The following TWIST2 variants were observed in gnomAD, a reference collection of about 807,000 sequenced individuals.
TWIST2 encodes the protein twist-related protein 2.
In TWIST2, 1 loss-of-function variant was observed where a neutral mutation model predicts 11.6. The ratio of observed to expected loss-of-function variants is 0.09; its 90% confidence interval spans 0.03 to 0.41. TWIST2 has a LOEUF of 0.41. TWIST2 is among the 10% of genes least tolerant of loss of function. The pLI is 0.98. For synonymous variants in TWIST2, 87 were observed against 96.6 expected, an observed-to-expected ratio of 0.90 and a Z score of 0.58; for missense variants, 168 against 226.4, an observed-to-expected ratio of 0.74 and a Z score of 1.66.
chr2:238,867,277 A>G lies in TWIST2; in HGVS notation c.*35+18544A>G, dbSNP rs1482916106. 6.6e-6 allele frequency among the ~76,000 whole-genome samples: 1 copy of G among 151,842 alleles called. No homozygotes were observed. The highest frequency in any genetic ancestry group is 2.4e-5 in the African/African-American group (1 of 41,330). On this transcript the variant is annotated intron_variant, in intron 1 of 1. Transcript: ENST00000612363. The surrounding 1 kb of genome is among the most constrained non-coding windows in gnomAD (Gnocchi z 4.8). Reference sequence around the variant, plus strand: ...GGAGGCAGGGAGGGAGGGGGAAGCCACTGTACAGCCTAGCCTGGAGACATC... The same window carrying G: ...GGAGGCAGGGAGGGAGGGGGAAGCCGCTGTACAGCCTAGCCTGGAGACATC...
At chr2:238,908,374 A>ATC in intron 1 of TWIST2, among the ~76,000 whole-genome samples, 1 of 150,028 alleles carries the variant, frequency 6.7e-6, no homozygotes, top group African/African-American at 2.5e-5. Flanking sequence ...ACACAAACAC[A>ATC]AACCACATGC....
chr2:238,889,202 C>A (rs983402928), intron 1 of TWIST2, among the ~76,000 whole-genome samples: 1 of 152,160 alleles, frequency 6.6e-6, no homozygotes. Context: ...ACACTGAATT[C>A]TGAATCGTGG....
chr2:238,905,904 CGTGTGTGTGCGTGCAGGT>C lies in TWIST2; in HGVS notation c.*36-3934_*36-3917del, dbSNP rs1693339199. On this transcript the variant is annotated intron_variant, in intron 1 of 1. Coordinates refer to ENST00000612363, the MANE Select transcript of TWIST2 (RefSeq NM_001271893.4). ...GCATGTGCGCGCATGCGCGTGTGTG[CGTGTGTGTGCGTGCAGGT>C]GTGCGTGTGCGCGTGTGTGTGCGCG... 1.4e-4 allele frequency among the ~76,000 whole-genome samples: 20 copies of C among 144,156 alleles called. 1 individual carries two copies. Among genetic ancestry groups the C allele is most frequent in the African/African-American group, 5.1e-4 (19 of 36,894 alleles). The allele number at this position is 144,156 out of a possible 152,430, so 94.6% of individuals were successfully genotyped here.
intron 1 of TWIST2, among the ~76,000 whole-genome samples, chr2:238,896,369 A>G (rs1349396223): frequency 1.3e-5 from 2 of 152,204 alleles, no homozygotes; most frequent in Non-Finnish European, 2.9e-5. Context: ...CTGCGCTGGA[A>G]TCACAGGCTC....
rs1013097887 is a variant in TWIST2, at chr2:238,855,902, C to T, written c.*35+7169C>T. On this transcript the variant is annotated intron_variant, in intron 1 of 1. Coordinates refer to ENST00000612363, the MANE Select transcript of TWIST2 (RefSeq NM_001271893.4). ...GTGTGCTTGGCGACTCCCTCTCCTTCGTGGGCTCATGTTACTATTTTCTAA... is the reference window on the plus strand; with the variant it reads ...GTGTGCTTGGCGACTCCCTCTCCTTTGTGGGCTCATGTTACTATTTTCTAA... Among the ~76,000 whole-genome samples, 15 of 152,282 alleles carry T rather than the reference C, an allele frequency of 9.9e-5. No individual in the cohort carries two copies. The East Asian group carries it at 1.5e-3, about 16-fold the overall frequency.
At chr2:238,896,655 G>A (rs903322596) in intron 1 of TWIST2, among the ~76,000 whole-genome samples, 10 of 152,310 alleles carry the variant, frequency 6.6e-5, no homozygotes, top group African/African-American at 2.4e-4. Flanking sequence ...AATCCTCTGG[G>A]GGTCCTAGGA....
chr2:238,879,985 T>G (rs965576346), intron 1 of TWIST2, among the ~76,000 whole-genome samples: 2 of 152,354 alleles, frequency 1.3e-5, no homozygotes, highest in Middle Eastern at 3.4e-3. Context: ...GTGCTTGCCC[T>G]GCAGGCAGAG....
intron 1 of TWIST2, among the ~76,000 whole-genome samples, chr2:238,856,637 A>C (rs1692333040): frequency 6.6e-6 from 1 of 152,204 alleles, no homozygotes; most frequent in Admixed American, 6.5e-5. Context: ...GAAGGGACTC[A>C]GGTCTCTTAA....
chr2:238,886,738 C>T (rs964920389), intron 1 of TWIST2: 4 of 152,078 alleles, frequency 2.6e-5, no homozygotes, highest in Non-Finnish European at 5.9e-5. Flanking sequence ...GGGCTCTGTT[C>T]TCACCACAGA....
intron 1 of TWIST2, among the ~76,000 whole-genome samples, chr2:238,891,985 G>A (rs1013523997): frequency 2.6e-5 from 4 of 152,202 alleles, no homozygotes; most frequent in African/African-American, 7.2e-5. Flanking sequence ...GTTCGTTCAC[G>A]GAGCCGCTGA....
chr2:238,889,738 A>C (rs1693099277), intron 1 of TWIST2, among the ~76,000 whole-genome samples: 1 of 152,204 alleles, frequency 6.6e-6, no homozygotes, highest in Non-Finnish European at 1.5e-5. Flanking sequence ...TGGTGGCCAC[A>C]TTTGTAAATG....
At chr2:238,872,718 G>C (rs945444548) in intron 1 of TWIST2, among the ~76,000 whole-genome samples, 1 of 152,196 alleles carries the variant, frequency 6.6e-6, no homozygotes, top group African/African-American at 2.4e-5. Context: ...AGGTACAGTT[G>C]CCACTAAACC....
Position 238,867,871 on chromosome 2 carries a change from G to A in TWIST2, c.*35+19138G>A, listed in dbSNP as rs886693701. ...AAGTGGGAGGCAAAGGCTGGGGATG[G>A]CCGGATGGCCCTGGGACCAGCAGAA... On this transcript the variant is annotated intron_variant, in intron 1 of 1. Transcript: ENST00000612363. This position sits in a 1 kb window ranked among gnomAD's most constrained non-coding sequence, Gnocchi z 4.8. 1.3e-5 allele frequency among the ~76,000 whole-genome samples: 2 copies of A among 152,196 alleles called. No homozygotes were observed. Among genetic ancestry groups the A allele is most frequent in the African/African-American group, 4.8e-5 (2 of 41,448 alleles).
At chr2:238,888,879 C>T (rs1358659759) in intron 1 of TWIST2, among the ~76,000 whole-genome samples, 1 of 152,176 alleles carries the variant, frequency 6.6e-6, no homozygotes, top group East Asian at 1.9e-4. Flanking sequence ...CACAGCTATG[C>T]ATGTCACACG....
chr2:238,862,816 T>G (rs1387862172), intron 1 of TWIST2, among the ~76,000 whole-genome samples: 1 of 152,226 alleles, frequency 6.6e-6, no homozygotes, highest in Non-Finnish European at 1.5e-5. Flanking sequence ...TAAACTCTGC[T>G]TGGTCCATAT....
At chr2:238,880,075 G>T (rs150900620) in intron 1 of TWIST2, among the ~76,000 whole-genome samples, 3,359 of 152,270 alleles carry the variant, frequency 0.022, 114 homozygotes, top group African/African-American at 0.078. Flanking sequence ...ATTAGTGTTG[G>T]TGTTAGTTTT....
chr2:238,850,430 G>A (rs772182052), intron 1 of TWIST2, among the ~76,000 whole-genome samples: 1 of 151,756 alleles, frequency 6.6e-6, no homozygotes, highest in Non-Finnish European at 1.5e-5. Flanking sequence ...TCTGAAATAA[G>A]AACAAACAGA....
In TWIST2 at chr2:238,868,731, G is replaced by A. The variant is rs544045263; in HGVS notation, c.*35+19998G>A. On this transcript the variant is annotated intron_variant, in intron 1 of 1. Coordinates refer to ENST00000612363, the MANE Select transcript of TWIST2 (RefSeq NM_001271893.4). ...AGTATCCTCTGTTGCCCACACACTC[G>A]GGCATTGTTGGCTGGGCTCAGTGTG... Among the ~76,000 whole-genome samples the A allele has an allele frequency of 8.7e-4, 133 of 152,330 alleles. 1 individual carries two copies. The highest frequency in any genetic ancestry group is 2.5e-3 in the African/African-American group (105 of 41,572).
intron 1 of TWIST2, among the ~76,000 whole-genome samples, chr2:238,897,324 CCT>C (rs1231743606): frequency 2.0e-5 from 3 of 152,178 alleles, no homozygotes; most frequent in Non-Finnish European, 4.4e-5. Flanking sequence ...CCCCCCTGCC[CCT>C]GTGTCCCCCA....
Sources: gnomAD v4.1 joint callset for allele counts (sites outside exome capture counted in the v4.1 genomes callset) on GRCh38, gnomAD v4.1.1 for gene constraint, Gnocchi (gnomAD v3.1) non-coding constraint, MANE v1.5 for transcripts, NCBI Gene and HGNC (gene_info 2026-07-23, HGNC 2026-07-21) for gene names.